DLGAP1: variants seen among roughly 807,000 people sequenced by gnomAD.
DLGAP1 encodes disks large-associated protein 1.
Under a neutral mutation model 90.8 loss-of-function variants are expected in DLGAP1, and 11 were observed. That is an observed-to-expected ratio of 0.12 (90% CI 0.08 to 0.20). The LOEUF (loss-of-function observed/expected upper bound fraction) is 0.20. DLGAP1 is among the 10% of genes least tolerant of loss of function. DLGAP1 has a pLI of 1.00. For missense variants in DLGAP1, 1,050 were observed against 1,333.8 expected (o/e 0.79, Z 3.31); for synonymous variants, 558 against 540.7 (o/e 1.03, Z -0.44).
intron 5 of DLGAP1, among the ~76,000 whole-genome samples, chr18:3,801,865 T>C (rs1046304574): frequency 6.6e-6 from 1 of 152,214 alleles, no homozygotes; most frequent in Non-Finnish European, 1.5e-5. Context: ...TCCATACATA[T>C]ATACTCATGT....
At chr18:3,753,180 T>A (rs1008462706) in intron 5 of DLGAP1, among the ~76,000 whole-genome samples, 15 of 152,078 alleles carry the variant, frequency 9.9e-5, no homozygotes, top group Admixed American at 6.5e-4. Context: ...ACGAACAAAC[T>A]CATTTATCCA....
chr18:4,339,120 ATTCC>A (rs2081135483), intron 1 of DLGAP1, among the ~76,000 whole-genome samples: 1 of 152,184 alleles, frequency 6.6e-6, no homozygotes, highest in East Asian at 1.9e-4. Context: ...TTTTGACTCC[ATTCC>A]CATGAATTAT....
At chr18:3,955,146 C>T (rs1441208703) in intron 3 of DLGAP1, among the ~76,000 whole-genome samples, 3 of 152,064 alleles carry the variant, frequency 2.0e-5, no homozygotes, top group African/African-American at 7.2e-5. Flanking sequence ...GTGCCTATTC[C>T]TACCAGGCTG....
chr18:4,006,698 T>G (rs1029331733), intron 2 of DLGAP1, among the ~76,000 whole-genome samples: 2 of 150,436 alleles, frequency 1.3e-5, no homozygotes, highest in African/African-American at 2.4e-5. Flanking sequence ...CAGGCTGGAG[T>G]GCAGTGGCAC....
chr18:3,543,435 G>A (rs1391328287), intron 9 of DLGAP1, among the ~76,000 whole-genome samples: 1 of 152,140 alleles, frequency 6.6e-6, no homozygotes, highest in Non-Finnish European at 1.5e-5. Context: ...AAAGTGCTGG[G>A]ATTACAGGTG....
At chr18:3,864,534 A>C (rs967084015) in intron 4 of DLGAP1, among the ~76,000 whole-genome samples, 14 of 152,216 alleles carry the variant, frequency 9.2e-5, no homozygotes, top group African/African-American at 3.4e-4. Flanking sequence ...GAATTAAGCA[A>C]GAGTTTGCTA....
intron 6 of DLGAP1, among the ~76,000 whole-genome samples, chr18:3,731,763 A>C (rs1425771814): frequency 6.6e-6 from 1 of 151,968 alleles, no homozygotes; most frequent in Non-Finnish European, 1.5e-5. Flanking sequence ...TTTTATTTTC[A>C]TTATACACAG....
intron 1 of DLGAP1, among the ~76,000 whole-genome samples, chr18:4,228,122 C>T (rs529314741): frequency 6.6e-6 from 1 of 151,590 alleles, no homozygotes; most frequent in Admixed American, 6.6e-5. Flanking sequence ...AAAAAAATGC[C>T]TAGTGAGATG....
chr18:3,842,581 G>T (rs1426630436), intron 4 of DLGAP1, among the ~76,000 whole-genome samples: 1 of 151,270 alleles, frequency 6.6e-6, no homozygotes, highest in Non-Finnish European at 1.5e-5. Context: ...ATAAGATTTG[G>T]TGTTTTTTTT....
chr18:4,247,332 G>A (rs948078524), intron 1 of DLGAP1, among the ~76,000 whole-genome samples: 10 of 152,164 alleles, frequency 6.6e-5, no homozygotes, highest in African/African-American at 2.4e-4. Flanking sequence ...AAGCATACAA[G>A]GTTAAGATAC....
At chr18:4,138,876 T>C (rs2076449596) in intron 2 of DLGAP1, among the ~76,000 whole-genome samples, 1 of 152,074 alleles carries the variant, frequency 6.6e-6, no homozygotes, top group South Asian at 2.1e-4. Flanking sequence ...GTAGGTTGTA[T>C]GTGTCTAGAA....
intron 7 of DLGAP1, among the ~76,000 whole-genome samples, chr18:3,683,902 GA>G (rs2060609171): frequency 6.6e-6 from 1 of 152,006 alleles, no homozygotes; most frequent in Admixed American, 6.6e-5. Flanking sequence ...TCATCTTAAT[GA>G]AAAAATTTCA....
At chr18:4,268,429 G>C (rs1302254441) in intron 1 of DLGAP1, among the ~76,000 whole-genome samples, 1 of 152,148 alleles carries the variant, frequency 6.6e-6, no homozygotes, top group Admixed American at 6.5e-5. Flanking sequence ...AGACAGACTG[G>C]AGTGAATACC....
intron 4 of DLGAP1, among the ~76,000 whole-genome samples, chr18:3,877,415 C>A (rs1299854640): frequency 6.6e-6 from 1 of 152,196 alleles, no homozygotes; most frequent in African/African-American, 2.4e-5. Flanking sequence ...CTCATCTAAT[C>A]TCATCATTAC....
intron 2 of DLGAP1, among the ~76,000 whole-genome samples, chr18:4,040,965 C>G (rs1304885144): frequency 6.6e-6 from 1 of 152,168 alleles, no homozygotes; most frequent in Non-Finnish European, 1.5e-5. Flanking sequence ...CATGATTCTC[C>G]CTAGGGAGGA....
intron 2 of DLGAP1, among the ~76,000 whole-genome samples, chr18:4,065,161 G>C (rs2075353388): frequency 6.6e-6 from 1 of 151,936 alleles, no homozygotes; most frequent in Non-Finnish European, 1.5e-5. Context: ...CAATAAACTA[G>C]GTACTGAAGG....
At chr18:4,018,544 G>A (rs1444596065) in intron 2 of DLGAP1, among the ~76,000 whole-genome samples, 1 of 152,154 alleles carries the variant, frequency 6.6e-6, no homozygotes, top group Admixed American at 6.5e-5. Context: ...CGCTAAAACC[G>A]GCAAGTTTAA....
chr18:4,100,715 C>A (rs533966412), intron 2 of DLGAP1, among the ~76,000 whole-genome samples: 5 of 77,024 alleles, frequency 6.5e-5, no homozygotes, highest in Admixed American at 4.2e-4. Flanking sequence ...GCCACCTTCA[C>A]TAGTGACTTT....
At chr18:4,038,706 C>G (rs2074928213) in intron 2 of DLGAP1, among the ~76,000 whole-genome samples, 1 of 152,054 alleles carries the variant, frequency 6.6e-6, no homozygotes, top group African/African-American at 2.4e-5. Flanking sequence ...TATTTTTCCT[C>G]TTGGTAATTC....
Sources: gnomAD v4.1 joint callset for allele counts (sites outside exome capture counted in the v4.1 genomes callset) on GRCh38, gnomAD v4.1.1 for gene constraint, MANE v1.5 for transcripts, NCBI Gene and HGNC (gene_info 2026-07-23, HGNC 2026-07-21) for gene names.